AGBL4: variants seen among roughly 807,000 people sequenced by gnomAD.
AGBL4 encodes the protein AGBL carboxypeptidase 4.
In AGBL4, 58 loss-of-function variants were observed where a neutral mutation model predicts 66.4. The observed-to-expected ratio is 0.87, with a 90% CI of 0.71 to 1.09. The LOEUF is 1.09. Among genes scored for constraint, AGBL4 ranks in the 50% least tolerant of loss-of-function variants. AGBL4 has a pLI of 0.00. For synonymous variants in AGBL4, 234 were observed against 222.9 expected, an observed-to-expected ratio of 1.05 and a Z score of -0.44; for missense variants, 579 against 631.0, an observed-to-expected ratio of 0.92 and a Z score of 0.88.
chr1:49,282,601 C>T (rs1247991254), intron 3 of AGBL4, among the ~76,000 whole-genome samples: 1 of 152,202 alleles, frequency 6.6e-6, no homozygotes, highest in African/African-American at 2.4e-5. Flanking sequence ...GCATTTCCAT[C>T]TGAGGTATCG....
chr1:49,846,872 CA>C (rs1257852469), intron 2 of AGBL4, among the ~76,000 whole-genome samples: 6 of 152,170 alleles, frequency 3.9e-5, no homozygotes, highest in African/African-American at 1.2e-4. Flanking sequence ...GCTACAGATT[CA>C]ATGCAATCCC....
intron 3 of AGBL4, among the ~76,000 whole-genome samples, chr1:49,342,938 G>A (rs563737294): frequency 1.3e-5 from 2 of 152,274 alleles, no homozygotes; most frequent in Admixed American, 6.5e-5. Flanking sequence ...CTTTGGTAAA[G>A]GTTAAAAGCC....
At chr1:48,678,645 C>G (rs1232786916) in intron 6 of AGBL4, among the ~76,000 whole-genome samples, 1 of 152,164 alleles carries the variant, frequency 6.6e-6, no homozygotes, top group East Asian at 1.9e-4. Flanking sequence ...TAAAGCCATG[C>G]CTTCAAATAG....
intron 2 of AGBL4, among the ~76,000 whole-genome samples, chr1:49,794,069 A>C (rs1416857768): frequency 1.3e-5 from 2 of 151,952 alleles, no homozygotes; most frequent in Non-Finnish European, 2.9e-5. Context: ...TAGTGAGTAA[A>C]AGTGGAAAAC....
At chr1:49,731,294 A>G (rs1216501294) in intron 2 of AGBL4, among the ~76,000 whole-genome samples, 1 of 152,196 alleles carries the variant, frequency 6.6e-6, no homozygotes, top group Non-Finnish European at 1.5e-5. Context: ...AAGAATTACT[A>G]AAACATGCCA....
At chr1:49,790,600 G>A (rs1434095875) in intron 2 of AGBL4, among the ~76,000 whole-genome samples, 2 of 152,094 alleles carry the variant, frequency 1.3e-5, no homozygotes, top group African/African-American at 4.8e-5. Flanking sequence ...AATAATGCTA[G>A]TAGTGTTAAA....
intron 12 of AGBL4, among the ~76,000 whole-genome samples, chr1:48,536,493 ATTGT>A (rs1643972966): frequency 6.6e-6 from 1 of 152,160 alleles, no homozygotes. Flanking sequence ...ACTTTTCAGT[ATTGT>A]TTGTTATGTT....
At chr1:49,592,714 C>T (rs1038193018) in intron 3 of AGBL4, among the ~76,000 whole-genome samples, 1 of 152,096 alleles carries the variant, frequency 6.6e-6, no homozygotes, top group African/African-American at 2.4e-5. Context: ...GTCAAATTGG[C>T]TATTATTACA....
intron 3 of AGBL4, among the ~76,000 whole-genome samples, chr1:49,253,710 C>CA (rs779751943): frequency 0.022 from 2,563 of 114,930 alleles, 24 homozygotes; most frequent in East Asian, 0.053. Context: ...CTGGCAGAGA[C>CA]AAAAAAAAAA....
intron 6 of AGBL4, among the ~76,000 whole-genome samples, chr1:48,690,761 A>G (rs1646616958): frequency 6.6e-6 from 1 of 152,210 alleles, no homozygotes. Context: ...CCAGACTTGG[A>G]CCACCCAGCA....
intron 6 of AGBL4, among the ~76,000 whole-genome samples, chr1:48,820,976 C>T (rs1046724440): frequency 3.3e-5 from 5 of 151,952 alleles, no homozygotes; most frequent in Admixed American, 3.3e-4. Flanking sequence ...AGAAGACATA[C>T]AAGTGGCCAA....
chr1:49,068,715 G>C (rs1450401464), intron 4 of AGBL4, among the ~76,000 whole-genome samples: 1 of 152,170 alleles, frequency 6.6e-6, no homozygotes, highest in Non-Finnish European at 1.5e-5. Context: ...CTTTATAGTA[G>C]AATGATTTAT....
intron 2 of AGBL4, among the ~76,000 whole-genome samples, chr1:49,822,148 G>A (rs532337542): frequency 1.3e-5 from 2 of 152,018 alleles, no homozygotes; most frequent in East Asian, 3.9e-4. Context: ...AAAAATTGGG[G>A]GGGTTTTATT....
chr1:49,984,314 G>A (rs1361160547), intron 1 of AGBL4, among the ~76,000 whole-genome samples: 1 of 152,196 alleles, frequency 6.6e-6, no homozygotes, highest in Non-Finnish European at 1.5e-5. Flanking sequence ...CACCAGCCAT[G>A]GACTGGTTCT....
At chr1:49,140,179 C>T (rs777779872) in intron 4 of AGBL4, among the ~76,000 whole-genome samples, 51 of 152,156 alleles carry the variant, frequency 3.4e-4, no homozygotes, top group Non-Finnish European at 6.3e-4. Flanking sequence ...TTAGGCCTCA[C>T]TAGCAATTTA....
chr1:49,464,433 G>A (rs1449645812), intron 3 of AGBL4, among the ~76,000 whole-genome samples: 4 of 151,724 alleles, frequency 2.6e-5, no homozygotes, highest in East Asian at 1.9e-4. Flanking sequence ...TACAAATAAC[G>A]GAGGAAGCCT....
intron 4 of AGBL4, among the ~76,000 whole-genome samples, chr1:49,211,467 T>C (rs1378861326): frequency 6.6e-6 from 1 of 152,100 alleles, no homozygotes; most frequent in Non-Finnish European, 1.5e-5. Flanking sequence ...GGGATAACAA[T>C]CTTATAGGGT....
intron 4 of AGBL4, among the ~76,000 whole-genome samples, chr1:49,206,724 G>A (rs1344284867): frequency 1.3e-5 from 2 of 152,204 alleles, no homozygotes; most frequent in African/African-American, 4.8e-5. Flanking sequence ...AGGAGTATCA[G>A]CATAGAGATG....
chr1:49,878,645 G>A (rs969596524), intron 1 of AGBL4, among the ~76,000 whole-genome samples: 2 of 151,882 alleles, frequency 1.3e-5, no homozygotes, highest in African/African-American at 4.8e-5. Context: ...TGTTGATTTG[G>A]GGTGGAGAGT....
Sources: gnomAD v4.1 joint callset for allele counts (sites outside exome capture counted in the v4.1 genomes callset) on GRCh38, gnomAD v4.1.1 for gene constraint, MANE v1.5 for transcripts, NCBI Gene and HGNC (gene_info 2026-07-23, HGNC 2026-07-21) for gene names.